Variants in ADAMTS15 observed in about 807,000 individuals in gnomAD.
ADAMTS15 encodes the protein A disintegrin and metalloproteinase with thrombospondin motifs 15.
In ADAMTS15, 35 loss-of-function variants were observed where a neutral mutation model predicts 79.1. The observed-to-expected ratio is 0.44, with a 90% confidence interval of 0.34 to 0.59. ADAMTS15 has a LOEUF of 0.59. Among genes scored for constraint, ADAMTS15 ranks in the 20% least tolerant of loss-of-function variants. ADAMTS15 has a pLI of 0.02. For missense variants in ADAMTS15, 1,324 were observed against 1,318.7 expected, an observed-to-expected ratio of 1.00 and a Z score of -0.06; for synonymous variants, 616 against 567.3, an observed-to-expected ratio of 1.09 and a Z score of -1.22.
At chr11:130,468,000 T>A (rs935375919) in intron 4 of ADAMTS15, among the ~76,000 whole-genome samples, 2 of 152,164 alleles carry the variant, frequency 1.3e-5, no homozygotes, top group Non-Finnish European at 2.9e-5. Context: ...AGAAAAACAT[T>A]CACGTCTATG....
In ADAMTS15 at chr11:130,458,912, C is replaced by G. The variant is rs74627151; in HGVS notation, c.958-2577C>G. ...ATCCTTCACTATGCCCTTGCAAGAGCCTTCATCCCTGCCCTCATCTTGGCT... is the reference window on the plus strand; with the variant it reads ...ATCCTTCACTATGCCCTTGCAAGAGGCTTCATCCCTGCCCTCATCTTGGCT... On this transcript the variant is annotated intron_variant, in intron 1 of 7. Coordinates refer to ENST00000299164, the MANE Select transcript of ADAMTS15 (RefSeq NM_139055.4). Among the ~76,000 whole-genome samples the G allele has an allele frequency of 2.8e-3, 426 of 152,152 alleles. 2 individuals are homozygous for G. Among genetic ancestry groups the G allele is most frequent in the African/African-American group, 0.01 (416 of 41,466 alleles).
chr11:130,450,293 G>A (rs1364345189), intron 1 of ADAMTS15: 1 of 985,360 alleles, frequency 1.0e-6, no homozygotes, highest in African/African-American at 1.7e-5. Flanking sequence ...GTGTTGGAGA[G>A]GGCGGGAACG....
chr11:130,460,734 TC>T (rs1438267480), intron 1 of ADAMTS15, among the ~76,000 whole-genome samples: 1 of 152,234 alleles, frequency 6.6e-6, no homozygotes, highest in Non-Finnish European at 1.5e-5. Context: ...CCTTTCTGCG[TC>T]CCCTGGGAAT....
At position 130,472,823 on chromosome 11, in the gene ADAMTS15, TGAGCTCCACTTTACAGGTGAGGATGTG is replaced by T. The variant is rs1231328216; in HGVS notation, c.2079-220_2079-194del. 3.9e-5 allele frequency among the ~76,000 whole-genome samples: 6 copies of T among 152,236 alleles called. No individual in the cohort carries two copies. Among genetic ancestry groups the T allele is most frequent in the Non-Finnish European group, 8.8e-5 (6 of 68,034 alleles). On this transcript the variant is annotated intron_variant, in intron 7 of 7. Coordinates refer to ENST00000299164, the MANE Select transcript of ADAMTS15 (RefSeq NM_139055.4). The surrounding 1 kb of genome is among the most constrained non-coding windows in gnomAD (Gnocchi z 4.7). ...CAATTCAGTGAGGTGTGTGGAATTC[TGAGCTCCACTTTACAGGTGAGGATGTG>T]GAGGCTTGGAGAAGTTCAGCAGCTT...
At chr11:130,457,980 T>C (rs1938122340) in intron 1 of ADAMTS15, among the ~76,000 whole-genome samples, 1 of 152,154 alleles carries the variant, frequency 6.6e-6, no homozygotes. Flanking sequence ...CTTTCCTTGT[T>C]CCTCTCATTT....
At chr11:130,453,105 A>AT (rs1937998186) in intron 1 of ADAMTS15, among the ~76,000 whole-genome samples, 1 of 151,990 alleles carries the variant, frequency 6.6e-6, no homozygotes, top group African/African-American at 2.4e-5. Context: ...GTTGGGGAGG[A>AT]GGGGCGTTCT....
intron 4 of ADAMTS15, among the ~76,000 whole-genome samples, chr11:130,468,764 CAAA>C (rs34961681): frequency 1.3e-5 from 1 of 78,124 alleles, no homozygotes; most frequent in Admixed American, 1.5e-4. Context: ...GACTCCATCT[CAAA>C]AAAAAAAAAA....
At chr11:130,470,166 A>ATATATATATACATG (rs1938408990) in intron 5 of ADAMTS15, among the ~76,000 whole-genome samples, 1 of 57,604 alleles carries the variant, frequency 1.7e-5, no homozygotes, top group African/African-American at 1.0e-4. Flanking sequence ...ATATATATAT[A>ATATATATATACATG]TATATATATA....
rs1938493605 is a variant in ADAMTS15 at position 130,473,138 on chromosome 11, A to G, written c.2170A>G (p.Asn724Asp). ...RGYKGLIGDD[N>D]YLALKNSQGK... ...TTACAAAGGGCTGATCGGGGATGAC[A>G]ACTACCTGGCTCTGAAGAACAGCCA... Residue 724 changes from asparagine to aspartate, a missense_variant, in exon 8 of 8, where the codon AAC becomes GAC. Physicochemically the swap from Asn to Asp is conservative, Grantham distance 23 (BLOSUM62 1). Transcript: ENST00000299164. 6.2e-7 allele frequency: 1 copy of G among 1,613,986 alleles called. No homozygotes were observed.
chr11:130,470,260 A>G (rs1938424403), intron 5 of ADAMTS15, among the ~76,000 whole-genome samples: 1 of 145,936 alleles, frequency 6.9e-6, no homozygotes, highest in East Asian at 2.0e-4. Flanking sequence ...TCTGTTGCCC[A>G]GGCTGGAGTG....
rs1444208314 is a variant in ADAMTS15 at position 130,470,974 on chromosome 11, A to G, written c.1775A>G (p.His592Arg). The change falls in exon 6 of 8, where the codon CAC becomes CGC. Residue 592 changes from histidine (H) to arginine (R), a missense_variant. By Grantham distance (29) the His-to-Arg change is conservative. Coordinates refer to ENST00000299164, the MANE Select transcript of ADAMTS15 (RefSeq NM_139055.4). ...EQCEAFNGYN[H>R]STNRLTLAVA... is the part of the protein sequence containing the mutation. Reference sequence around the variant, plus strand: ...TGTGAGGCTTTCAACGGCTACAACCACAGCACCAACCGGCTCACTCTCGCC... The same window carrying G: ...TGTGAGGCTTTCAACGGCTACAACCGCAGCACCAACCGGCTCACTCTCGCC... 16 of 1,613,900 alleles carry G rather than the reference A, an allele frequency of 9.9e-6. No individual in the cohort carries two copies. The highest frequency in any genetic ancestry group is 1.4e-5 in the Non-Finnish European group (16 of 1,180,042).
intron 6 of ADAMTS15, 36 bp from the exon 7 acceptor site, chr11:130,471,172 G>A (rs1341356524): frequency 1.9e-6 from 3 of 1,586,744 alleles, no homozygotes; most frequent in Non-Finnish European, 1.7e-6. Flanking sequence ...GAGCTGCCCT[G>A]CTCTTCCTTC....
Position 130,462,710 on chromosome 11 carries a change from C to T in ADAMTS15, c.1472C>T (p.Thr491Ile), listed in dbSNP as rs769175795. 7.4e-6 allele frequency: 12 copies of T among 1,612,040 alleles called. No homozygotes were observed. Among genetic ancestry groups the T allele is most frequent in the Middle Eastern group, 1.7e-4 (1 of 6,050 alleles). Residue 491 changes from threonine (T) to isoleucine (I), a missense_variant, in exon 4 of 8, where the codon ACC becomes ATC. Coordinates refer to ENST00000299164, the MANE Select transcript of ADAMTS15 (RefSeq NM_139055.4). The surrounding 1 kb of genome is among the most constrained non-coding windows in gnomAD (Gnocchi z 4.3). ...QTRHFPWADGTSCGEGKLCLK... is the reference protein window; with the variant it reads ...QTRHFPWADGISCGEGKLCLK... ...CGCCACTTCCCCTGGGCCGATGGCACCAGCTGTGGCGAGGGCAAGCTCTGC... is the reference window on the plus strand; with the variant it reads ...CGCCACTTCCCCTGGGCCGATGGCATCAGCTGTGGCGAGGGCAAGCTCTGC...
At chr11:130,452,370 C>T (rs189663751) in intron 1 of ADAMTS15, among the ~76,000 whole-genome samples, 53 of 152,308 alleles carry the variant, frequency 3.5e-4, no homozygotes, top group African/African-American at 1.3e-3. Flanking sequence ...AGGGTGAGGT[C>T]AGCACAGGAC....
chr11:130,474,131 T>G lies in ADAMTS15; in HGVS notation c.*310T>G. 3.3e-6 allele frequency: 1 copy of G among 301,210 alleles called. No homozygotes were observed. The highest frequency in any genetic ancestry group is 2.1e-5 in the African/African-American group (1 of 46,832). The allele number at this position is 301,210 out of a possible 1,614,324, so 18.7% of individuals were successfully genotyped here. On this transcript the variant is annotated 3_prime_UTR_variant, in exon 8 of 8. Transcript: ENST00000299164. ...CCAAGGAACTTGGAGGATGGGCACCTTCCAGGCAGAACTTCAGGGACCCCG... is the reference window on the plus strand; with the variant it reads ...CCAAGGAACTTGGAGGATGGGCACCGTCCAGGCAGAACTTCAGGGACCCCG...
Position 130,473,586 on chromosome 11 carries a change from G to C in ADAMTS15, c.2618G>C (p.Arg873Pro), listed in dbSNP as rs750323599. 1 of 1,606,490 alleles carries C rather than the reference G, an allele frequency of 6.2e-7. No individual in the cohort carries two copies. Among genetic ancestry groups the C allele is most frequent in the Non-Finnish European group, 8.5e-7 (1 of 1,176,598 alleles). The change falls in exon 8 of 8, where the codon CGC becomes CCC. Residue 873 changes from arginine to proline, a missense_variant. Coordinates refer to ENST00000299164, the MANE Select transcript of ADAMTS15 (RefSeq NM_139055.4). ...GACTGCCGGGGCTCCGCCGGGCAGCGCACGGTCCCTGCCTGTGATGCAGCC... is the reference window on the plus strand; with the variant it reads ...GACTGCCGGGGCTCCGCCGGGCAGCCCACGGTCCCTGCCTGTGATGCAGCC... Reference protein sequence around the residue: ...AVDCRGSAGQRTVPACDAAHR... With the variant: ...AVDCRGSAGQPTVPACDAAHR...
In ADAMTS15 at chr11:130,470,095, T is replaced by C. The variant is rs1456826205; in HGVS notation, c.1720+656T>C. Among the ~76,000 whole-genome samples the C allele has an allele frequency of 2.2e-5, 3 of 138,436 alleles. No homozygotes were observed. In the Admixed American group the frequency reaches 2.3e-4, roughly 10 times the overall value. The allele number at this position is 138,436 out of a possible 152,430, so 90.8% of individuals were successfully genotyped here. A position where few individuals can be genotyped will look rare whatever the true frequency, so the allele number is the denominator to read the frequency against. On this transcript the variant is annotated intron_variant, in intron 5 of 7. Transcript: ENST00000299164. The stretch of plus-strand genomic sequence containing the variant: ...GCTCATCCTTACTTCAGAATTATAG[T>C]AGTTATCAGGTTCATTACTGAATCA...
chr11:130,470,965 G>C lies in ADAMTS15; in HGVS notation c.1766G>C (p.Gly589Ala). 6.2e-7 allele frequency: 1 copy of C among 1,613,904 alleles called. No homozygotes were observed. The highest frequency in any genetic ancestry group is 1.7e-5 in the Admixed American group (1 of 60,022). The change falls in exon 6 of 8, where the codon GGC (glycine) becomes GCC (alanine). Residue 589 changes from glycine (G) to alanine (A), a missense_variant. Gly to Ala is a moderately conservative substitution (Grantham distance 60). Coordinates refer to ENST00000299164, the MANE Select transcript of ADAMTS15 (RefSeq NM_139055.4). Reference sequence around the variant, plus strand: ...GAGGAGCAGTGTGAGGCTTTCAACGGCTACAACCACAGCACCAACCGGCTC... The same window carrying C: ...GAGGAGCAGTGTGAGGCTTTCAACGCCTACAACCACAGCACCAACCGGCTC... ...FREEQCEAFNGYNHSTNRLTL... is the reference protein window; with the variant it reads ...FREEQCEAFNAYNHSTNRLTL...
Position 130,473,812 on chromosome 11 carries a change from G to A in ADAMTS15, c.2844G>A (p.Arg948=). ...KPQELDFCVL[R]PC ...AGGAGCTGGACTTCTGCGTCCTGAG[G>A]CCGTGCTGAGTGGGGTCATCGCTTT... is the stretch of plus-strand genomic sequence containing the variant. The change falls in exon 8 of 8, where the codon AGG becomes AGA. Residue 948 remains arginine (R), a synonymous_variant. Coordinates refer to ENST00000299164, the MANE Select transcript of ADAMTS15 (RefSeq NM_139055.4). 1.3e-6 allele frequency: 2 copies of A among 1,595,012 alleles called. No homozygotes were observed. The highest frequency in any genetic ancestry group is 1.7e-6 in the Non-Finnish European group (2 of 1,177,150).
Sources: gnomAD v4.1 joint callset for allele counts (sites outside exome capture counted in the v4.1 genomes callset) on GRCh38, gnomAD v4.1.1 for gene constraint, Gnocchi (gnomAD v3.1) non-coding constraint, MANE v1.5 for transcripts, NCBI Gene and HGNC (gene_info 2026-07-23, HGNC 2026-07-21) for gene names.